Variants in CORO2B observed in about 807,000 individuals in gnomAD.
The protein encoded by CORO2B is coronin-2B.
CORO2B carries 26 observed loss-of-function variants against 58.8 expected under a neutral mutation model. That is an observed-to-expected ratio of 0.44 (90% CI 0.32 to 0.61). CORO2B has a LOEUF of 0.61. Ranked by LOEUF, CORO2B falls within the 20% of genes least tolerant of loss-of-function variation. The pLI is 0.04. For missense variants in CORO2B, 460 were observed against 645.1 expected (o/e 0.71, Z 3.11); for synonymous variants, 242 against 253.8 (o/e 0.95, Z 0.44).
chr15:68,532,476 A>T, the CORO2B span, among the ~76,000 whole-genome samples: 1 of 151,902 alleles, frequency 6.6e-6, no homozygotes, highest in Admixed American at 6.5e-5. Context: ...TGTCTCTAGT[A>T]ATTTTAGGTT....
intron 1 of CORO2B, chr15:68,631,870 G>A (rs1339178366): frequency 7.0e-6 from 6 of 860,056 alleles, no homozygotes; most frequent in Non-Finnish European, 8.4e-6. Flanking sequence ...CTGCCAGGAG[G>A]AGGTGCTCCT....
At chr15:68,548,909 A>G in the CORO2B span, among the ~76,000 whole-genome samples, 33 of 152,300 alleles carry the variant, frequency 2.2e-4, no homozygotes, top group African/African-American at 7.0e-4. Context: ...ATCGATTGAC[A>G]GGAGTTCTTT....
At chr15:68,539,411 A>C in the CORO2B span, among the ~76,000 whole-genome samples, 2 of 152,148 alleles carry the variant, frequency 1.3e-5, no homozygotes, top group East Asian at 3.9e-4. Flanking sequence ...AGTGGCTCAC[A>C]CCTGTAATCC....
At chr15:68,585,131 C>T (rs142807687) in intron 1 of CORO2B, among the ~76,000 whole-genome samples, 6 of 152,298 alleles carry the variant, frequency 3.9e-5, no homozygotes, top group African/African-American at 1.4e-4. Flanking sequence ...GGCTGTCTTT[C>T]GTACAGAATA....
At chr15:68,725,507 G>A (rs1380904811) in intron 11 of CORO2B, among the ~76,000 whole-genome samples, 1 of 151,668 alleles carries the variant, frequency 6.6e-6, no homozygotes, top group Non-Finnish European at 1.5e-5. Flanking sequence ...TTAATACAAT[G>A]GTAAAGAAAA....
At chr15:68,634,683 A>G (rs1900970956) in intron 1 of CORO2B, among the ~76,000 whole-genome samples, 2 of 152,190 alleles carry the variant, frequency 1.3e-5, no homozygotes, top group Non-Finnish European at 2.9e-5. Flanking sequence ...TTCCTGAATC[A>G]GAAACTGTGG....
At chr15:68,546,627 C>A in the CORO2B span, among the ~76,000 whole-genome samples, 1,721 of 152,308 alleles carry the variant, frequency 0.011, 35 homozygotes, top group African/African-American at 0.038. Flanking sequence ...TCTTCCCTTG[C>A]AGTCTGTCTG....
At chr15:68,603,712 A>G (rs866851006) in intron 1 of CORO2B, among the ~76,000 whole-genome samples, 1 of 152,140 alleles carries the variant, frequency 6.6e-6, no homozygotes, top group Non-Finnish European at 1.5e-5. Flanking sequence ...CAGCAAGAAG[A>G]CGGCCGTCTG....
At position 68,685,398 on chromosome 15, in the gene CORO2B, G is replaced by T. The variant is rs201945828; in HGVS notation, c.217-9742G>T. Among the ~76,000 whole-genome samples, 27 of 152,310 alleles carry T rather than the reference G, an allele frequency of 1.8e-4. No individual in the cohort carries two copies. The East Asian group carries it at 5.2e-3, about 29-fold the overall frequency. On this transcript the variant is annotated intron_variant, in intron 2 of 11. Coordinates refer to ENST00000261861, the MANE Select transcript of CORO2B (RefSeq NM_006091.5). ...GCTAATTTTTGTATTTTTTAGTAAA[G>T]ATGGGATTTTGCCATGTTGCCCAGG...
intron 2 of CORO2B, among the ~76,000 whole-genome samples, chr15:68,677,179 T>C (rs1193924207): frequency 1.3e-5 from 2 of 152,066 alleles, no homozygotes; most frequent in Non-Finnish European, 2.9e-5. Flanking sequence ...TGCTCCCTCT[T>C]CCTCTCCAAA....
chr15:68,569,321 CACT>C, the CORO2B span, among the ~76,000 whole-genome samples: 1 of 152,220 alleles, frequency 6.6e-6, no homozygotes. Flanking sequence ...CCCTGGCCAC[CACT>C]GATCTTTTCG....
At chr15:68,705,888 A>G (rs1051228282) in intron 3 of CORO2B, among the ~76,000 whole-genome samples, 3 of 152,284 alleles carry the variant, frequency 2.0e-5, no homozygotes, top group East Asian at 3.9e-4. Context: ...GAGCCTCAAG[A>G]CAGGTTAACT....
chr15:68,720,923 G>A (rs966225938), intron 11 of CORO2B, among the ~76,000 whole-genome samples: 2 of 152,152 alleles, frequency 1.3e-5, no homozygotes, highest in African/African-American at 4.8e-5. Context: ...GTCTCACTCT[G>A]TTGCCCAGCC....
chr15:68,719,620 C>A, intron 11 of CORO2B, 68 bp downstream of exon 11: 1 of 1,520,126 alleles, frequency 6.6e-7, no homozygotes. Context: ...CAATTATGGG[C>A]TTCAGGCCTT....
At chr15:68,571,023 G>A in the CORO2B span, among the ~76,000 whole-genome samples, 1 of 152,120 alleles carries the variant, frequency 6.6e-6, no homozygotes, top group African/African-American at 2.4e-5. Context: ...GGAAGAAAGT[G>A]CGAAGGAAAC....
At chr15:68,725,814 C>A (rs774318696) in intron 11 of CORO2B, 29 bp from the exon 12 acceptor site, 2 of 1,612,276 alleles carry the variant, frequency 1.2e-6, no homozygotes, top group South Asian at 2.2e-5. Flanking sequence ...CCTGGGCCCT[C>A]CTTGGCCCCC....
intron 5 of CORO2B, among the ~76,000 whole-genome samples, chr15:68,712,720 A>G (rs757379365): frequency 1.3e-5 from 2 of 152,126 alleles, no homozygotes; most frequent in Non-Finnish European, 2.9e-5. Context: ...ACATCATCTC[A>G]TTTAATCCTC....
At chr15:68,589,075 C>G (rs572662108) in intron 1 of CORO2B, among the ~76,000 whole-genome samples, 1 of 152,302 alleles carries the variant, frequency 6.6e-6, no homozygotes, top group African/African-American at 2.4e-5. Context: ...GGAACAAACT[C>G]AAGTTATTAT....
chr15:68,725,726 A>AG (rs1893278130), intron 11 of CORO2B, 117 bp from the exon 12 acceptor site: 2 of 1,290,774 alleles, frequency 1.5e-6, no homozygotes, highest in Non-Finnish European at 2.2e-6. Flanking sequence ...AAGCAGTGGG[A>AG]GGCCTGGGGG....
Sources: gnomAD v4.1 joint callset for allele counts (sites outside exome capture counted in the v4.1 genomes callset) on GRCh38, gnomAD v4.1.1 for gene constraint, MANE v1.5 for transcripts, NCBI Gene and HGNC (gene_info 2026-07-23, HGNC 2026-07-21) for gene names.